The following NSD1 variants were observed in gnomAD, a reference collection of about 807,000 sequenced individuals.
The protein encoded by NSD1 is nuclear receptor binding SET domain protein 1, also known as histone-lysine N-methyltransferase, H3 lysine-36 specific.
In NSD1, 26 loss-of-function variants were observed where a neutral mutation model predicts 242.7. The observed-to-expected ratio is 0.11, with a 90% CI of 0.08 to 0.15. The LOEUF is 0.15. NSD1 is among the 10% of genes least tolerant of loss of function. The probability of loss-of-function intolerance (pLI) is 1.00; values close to 1 mark genes in which losing one functional copy is unlikely to be tolerated. For missense variants in NSD1, 2,495 were observed against 3,272.8 expected (o/e 0.76, Z 5.80); for synonymous variants, 1,106 against 1,178.1 (o/e 0.94, Z 1.25).
chr5:177,231,338 G>A (rs1017728004), intron 5 of NSD1, among the ~76,000 whole-genome samples: 1 of 152,180 alleles, frequency 6.6e-6, no homozygotes, highest in African/African-American at 2.4e-5. Flanking sequence ...TCTTGCTTGT[G>A]CCTCCAAAAG....
intron 5 of NSD1, among the ~76,000 whole-genome samples, chr5:177,215,061 C>T (rs1275860311): frequency 6.6e-6 from 1 of 152,090 alleles, no homozygotes; most frequent in African/African-American, 2.4e-5. Flanking sequence ...CATACTAAAG[C>T]ATCTTTTCTT....
intron 2 of NSD1, among the ~76,000 whole-genome samples, chr5:177,168,672 G>C (rs573500329): frequency 1.1e-4 from 16 of 152,144 alleles, no homozygotes; most frequent in African/African-American, 3.6e-4. Flanking sequence ...TGTTGGTCAG[G>C]CTGGTCTCGA....
intron 2 of NSD1, among the ~76,000 whole-genome samples, chr5:177,185,010 A>G (rs1158155439): frequency 1.3e-5 from 2 of 152,156 alleles, no homozygotes; most frequent in Non-Finnish European, 2.9e-5. Context: ...GTCTCTTTAT[A>G]ACAACTTAAT....
At chr5:177,157,304 TGTG>T (rs1285198165) in intron 2 of NSD1, among the ~76,000 whole-genome samples, 3 of 151,914 alleles carry the variant, frequency 2.0e-5, no homozygotes, top group African/African-American at 7.3e-5. Flanking sequence ...AGGTGGAGGT[TGTG>T]GTGAGCGGAG....
At chr5:177,158,271 T>TTC in intron 2 of NSD1, among the ~76,000 whole-genome samples, 2 of 104,294 alleles carry the variant, frequency 1.9e-5, no homozygotes, top group Middle Eastern at 3.8e-3. Flanking sequence ...CTTTCTTTCT[T>TTC]TCTTTCTTTC....
At chr5:177,261,522 T>C (rs1446138253) in intron 14 of NSD1, among the ~76,000 whole-genome samples, 1 of 152,184 alleles carries the variant, frequency 6.6e-6, no homozygotes, top group Non-Finnish European at 1.5e-5. Context: ...CACCAGTATG[T>C]TAATTGTAGT....
intron 5 of NSD1, 50 bp downstream of exon 5, chr5:177,212,245 A>G (rs772624865): frequency 3.6e-5 from 57 of 1,567,918 alleles, no homozygotes; most frequent in Non-Finnish European, 5.2e-6. Flanking sequence ...GAAAGTGCTG[A>G]TAAACATTGT....
intron 3 of NSD1, among the ~76,000 whole-genome samples, chr5:177,203,798 T>C (rs1256441601): frequency 6.6e-6 from 1 of 152,184 alleles, no homozygotes; most frequent in East Asian, 1.9e-4. Context: ...AATGAAATTA[T>C]AGACTGATAG....
intron 2 of NSD1, among the ~76,000 whole-genome samples, chr5:177,187,394 C>T (rs1483156163): frequency 1.3e-5 from 2 of 152,032 alleles, no homozygotes; most frequent in East Asian, 1.9e-4. Flanking sequence ...CATGAGCCAC[C>T]GCACCCAGCC....
At chr5:177,289,962 G>A (rs1382832951) in intron 21 of NSD1, among the ~76,000 whole-genome samples, 1 of 151,316 alleles carries the variant, frequency 6.6e-6, no homozygotes, top group East Asian at 2.0e-4. Context: ...TGAGTAGCTG[G>A]AACTACAGGC....
intron 13 of NSD1, among the ~76,000 whole-genome samples, chr5:177,257,952 C>T (rs1327183531): frequency 6.7e-6 from 1 of 149,072 alleles, no homozygotes; most frequent in Non-Finnish European, 1.5e-5. Flanking sequence ...GCGTGAGCCA[C>T]CACGCGTGGC....
In NSD1 at chr5:177,298,578, A is replaced by G. The variant is rs1760390868; in HGVS notation, c.*3119A>G. Reference sequence around the variant, plus strand: ...TGTTACTGAGTTTGAGATGACTTAAATCACTGTGTTGACCCTCTTCTGAAC... The same window carrying G: ...TGTTACTGAGTTTGAGATGACTTAAGTCACTGTGTTGACCCTCTTCTGAAC... On this transcript the variant is annotated 3_prime_UTR_variant, in exon 23 of 23. Transcript: ENST00000439151. The G allele has an allele frequency of 1.7e-5, 4 of 233,336 alleles. No homozygotes were observed. The East Asian group carries it at 2.4e-4, about 14-fold the overall frequency. The allele number at this position is 233,336 out of a possible 1,614,324, so 14.5% of individuals were successfully genotyped here.
intron 5 of NSD1, among the ~76,000 whole-genome samples, chr5:177,227,077 CAT>C (rs1224217058): frequency 6.6e-6 from 1 of 151,996 alleles, no homozygotes; most frequent in African/African-American, 2.4e-5. Flanking sequence ...TGATGAAACA[CAT>C]ATGGATGAAA....
intron 5 of NSD1, chr5:177,221,083 G>C (rs902167627): frequency 3.3e-5 from 15 of 451,190 alleles, no homozygotes; most frequent in Admixed American, 4.7e-5. Flanking sequence ...ATGTTGGCCA[G>C]GCTGGTCTTG....
At chr5:177,293,328 A>G (rs1449206864) in intron 22 of NSD1, among the ~76,000 whole-genome samples, 5 of 152,180 alleles carry the variant, frequency 3.3e-5, no homozygotes, top group African/African-American at 1.2e-4. Flanking sequence ...AAGACTTAAA[A>G]TAGAGCAAAG....
intron 19 of NSD1, among the ~76,000 whole-genome samples, chr5:177,283,071 A>C (rs537841183): frequency 5.3e-5 from 8 of 152,202 alleles, no homozygotes; most frequent in African/African-American, 1.9e-4. Context: ...CTTCTGCCTC[A>C]GCCTCCCAAG....
chr5:177,257,712 AAT>A (rs1756605777), intron 13 of NSD1, among the ~76,000 whole-genome samples: 1 of 152,130 alleles, frequency 6.6e-6, no homozygotes, highest in Admixed American at 6.5e-5. Context: ...TAGGGTATTA[AAT>A]ATTTGGATTT....
intron 4 of NSD1, among the ~76,000 whole-genome samples, chr5:177,205,998 T>TATC (rs1022598548): frequency 2.6e-5 from 4 of 151,920 alleles, no homozygotes; most frequent in African/African-American, 9.7e-5. Flanking sequence ...AATTTTTATT[T>TATC]ATTATTATTA....
At chr5:177,144,726 A>G (rs1757093801) in intron 2 of NSD1, among the ~76,000 whole-genome samples, 1 of 152,172 alleles carries the variant, frequency 6.6e-6, no homozygotes, top group African/African-American at 2.4e-5. Context: ...TTTTGAATCT[A>G]ATTTAAATAA....
Sources: allele counts gnomAD v4.1 joint callset (sites outside exome capture counted in the v4.1 genomes callset), GRCh38; gene constraint gnomAD v4.1.1; transcripts MANE v1.5; gene names NCBI Gene and HGNC (gene_info 2026-07-23, HGNC 2026-07-21).